The following ELP4 variants were observed in gnomAD, a reference collection of about 807,000 sequenced individuals.
ELP4 encodes the protein elongator complex protein 4.
In ELP4, 51 loss-of-function variants were observed where a neutral mutation model predicts 48.9. The ratio of observed to expected loss-of-function variants is 1.04; its 90% confidence interval spans 0.83 to 1.32. ELP4 has a LOEUF of 1.32. ELP4 is among the 40% of genes most tolerant of loss of function. The probability of loss-of-function intolerance (pLI) is 0.00; values close to 1 mark genes in which losing one functional copy is unlikely to be tolerated. For synonymous variants in ELP4, 210 were observed against 189.2 expected, an observed-to-expected ratio of 1.11 and a Z score of -0.90; for missense variants, 519 against 514.6, an observed-to-expected ratio of 1.01 and a Z score of -0.08.
intron 9 of ELP4, among the ~76,000 whole-genome samples, chr11:31,716,232 CA>C (rs1424118596): frequency 6.6e-6 from 1 of 151,824 alleles, no homozygotes; most frequent in African/African-American, 2.4e-5. Context: ...AGGATGGTGT[CA>C]AACTCCTAGC....
At position 31,789,820 on chromosome 11, in the gene ELP4, A is replaced by C. The variant is rs1037916086; in HGVS notation, c.*6296A>C. The C allele has an allele frequency of 3.9e-5, 36 of 915,344 alleles. No individual in the cohort carries two copies. The highest frequency in any genetic ancestry group is 6.6e-5 in the African/African-American group (4 of 60,876). 56.7% of individuals were successfully genotyped at this position (915,344 alleles called of 1,614,324 possible). ...ATACAGGACACAATTGTAGAACTGAAGCGGCTCTAACAGCCATTTTTCTTT... is the reference window on the plus strand; with the variant it reads ...ATACAGGACACAATTGTAGAACTGACGCGGCTCTAACAGCCATTTTTCTTT... On this transcript the variant is annotated 3_prime_UTR_variant, in exon 10 of 10. Transcript: ENST00000640961.
At position 31,532,956 on chromosome 11, in the gene ELP4, A is replaced by G. The variant is rs1015379388; in HGVS notation, c.260-6706A>G. Among the ~76,000 whole-genome samples, 17 of 151,900 alleles carry G rather than the reference A, an allele frequency of 1.1e-4. 1 individual carries two copies. The South Asian group carries it at 2.7e-3, about 24-fold the overall frequency. ...CTGGCTAATTTTGTATTTTTTTAGT[A>G]GAGACAGGGTTTCATCATGTTGGTG... On this transcript the variant is annotated intron_variant, in intron 2 of 9. Coordinates refer to ENST00000640961, the MANE Select transcript of ELP4 (RefSeq NM_019040.5).
rs1252392839 is a variant in ELP4 at position 31,647,822 on chromosome 11, A to G, written c.1009A>G (p.Thr337Ala). 6.2e-7 allele frequency: 1 copy of G among 1,604,238 alleles called. No homozygotes were observed. The highest frequency in any genetic ancestry group is 8.5e-7 in the Non-Finnish European group (1 of 1,172,096). ...LESFIGSERE[T>A]NPLYKDYHGL... ...ATCATTTATTGGTTCTGAGAGAGAA[A>G]CTAACCCATTGTATAAGGATTATCA... Residue 337 changes from threonine to alanine, a missense_variant, in exon 8 of 10, where the codon ACT (threonine) becomes GCT (alanine). Thr to Ala is a moderately conservative substitution (Grantham distance 58). Coordinates refer to ENST00000640961, the MANE Select transcript of ELP4 (RefSeq NM_019040.5).
At chr11:31,657,438 A>G (rs1385484372) in intron 9 of ELP4, among the ~76,000 whole-genome samples, 1 of 152,040 alleles carries the variant, frequency 6.6e-6, no homozygotes, top group Non-Finnish European at 1.5e-5. Context: ...CCTCACCACT[A>G]AAATGTAAGC....
rs1028208012 is a variant in ELP4, at chr11:31,787,418, C to A, written c.*3894C>A. Reference sequence around the variant, plus strand: ...AGTCTCTGCTGTCTACACAACAGAACCGTGGGCCGGAACTGGCTGCCTGAC... The same window carrying A: ...AGTCTCTGCTGTCTACACAACAGAAACGTGGGCCGGAACTGGCTGCCTGAC... On this transcript the variant is annotated 3_prime_UTR_variant, in exon 10 of 10. Transcript: ENST00000640961. 5 of 233,146 alleles carry A rather than the reference C, an allele frequency of 2.1e-5. No individual in the cohort carries two copies. The highest frequency in any genetic ancestry group is 4.2e-5 in the Non-Finnish European group (5 of 118,024). 14.4% of individuals were successfully genotyped at this position (233,146 alleles called of 1,614,324 possible).
At chr11:31,553,764 A>ACACACC (rs1491538602) in intron 3 of ELP4, among the ~76,000 whole-genome samples, 135 of 142,054 alleles carry the variant, frequency 9.5e-4, no homozygotes, top group African/African-American at 2.7e-3. Flanking sequence ...ACACACACAC[A>ACACACC]CCCTATTGGT....
At chr11:31,623,370 T>TAA (rs1944663870) in intron 5 of ELP4, among the ~76,000 whole-genome samples, 1 of 104,422 alleles carries the variant, frequency 9.6e-6, no homozygotes, top group Non-Finnish European at 1.9e-5. Flanking sequence ...TATATATATA[T>TAA]ATATATATAT....
chr11:31,744,699 C>CT (rs1947539303), intron 9 of ELP4, among the ~76,000 whole-genome samples: 1 of 152,162 alleles, frequency 6.6e-6, no homozygotes, highest in Non-Finnish European at 1.5e-5. Context: ...ATGCTTCATG[C>CT]TAAAAACTCT....
intron 9 of ELP4, among the ~76,000 whole-genome samples, chr11:31,770,259 A>G (rs1948110978): frequency 6.6e-6 from 1 of 152,192 alleles, no homozygotes; most frequent in Non-Finnish European, 1.5e-5. Context: ...AAACCCAGCT[A>G]CACAATTAAG....
At chr11:31,519,172 G>T (rs928539401) in intron 1 of ELP4, among the ~76,000 whole-genome samples, 1 of 152,018 alleles carries the variant, frequency 6.6e-6, no homozygotes, top group African/African-American at 2.4e-5. Flanking sequence ...ATTTTGTGAT[G>T]ATATTCTTTT....
At chr11:31,671,549 A>G (rs1348676604) in intron 9 of ELP4, among the ~76,000 whole-genome samples, 2 of 152,322 alleles carry the variant, frequency 1.3e-5, no homozygotes, top group South Asian at 2.1e-4. Context: ...GTAAGATTTT[A>G]TGTCTTTATA....
At chr11:31,588,884 G>A (rs1179589311) in intron 3 of ELP4, among the ~76,000 whole-genome samples, 1 of 152,182 alleles carries the variant, frequency 6.6e-6, no homozygotes, top group East Asian at 1.9e-4. Flanking sequence ...TCAGGAGGCT[G>A]AGGCATGAGA....
At chr11:31,574,533 C>A (rs1376403190) in intron 3 of ELP4, among the ~76,000 whole-genome samples, 1 of 152,212 alleles carries the variant, frequency 6.6e-6, no homozygotes, top group Non-Finnish European at 1.5e-5. Context: ...ACACACCTCC[C>A]AGTAGGGGCT....
At chr11:31,758,195 T>A (rs1947871273) in intron 9 of ELP4, among the ~76,000 whole-genome samples, 1 of 152,218 alleles carries the variant, frequency 6.6e-6, no homozygotes. Flanking sequence ...GTTACTGAAT[T>A]CAGTTTTCAA....
intron 3 of ELP4, among the ~76,000 whole-genome samples, chr11:31,549,004 T>C (rs1404633511): frequency 6.6e-6 from 1 of 152,074 alleles, no homozygotes; most frequent in Admixed American, 6.6e-5. Context: ...ATTAAAGACT[T>C]AAACGTTAGA....
chr11:31,628,697 G>A (rs1243672695), intron 6 of ELP4, among the ~76,000 whole-genome samples: 1 of 151,820 alleles, frequency 6.6e-6, no homozygotes, highest in Non-Finnish European at 1.5e-5. Flanking sequence ...CATTCCTATG[G>A]TGAATACCAA....
At chr11:31,750,294 C>A (rs1431402850) in intron 9 of ELP4, among the ~76,000 whole-genome samples, 2 of 152,182 alleles carry the variant, frequency 1.3e-5, no homozygotes, top group East Asian at 3.8e-4. Context: ...AAATCAGCCT[C>A]AGTGTGGGTA....
chr11:31,687,721 A>G (rs1312457170), intron 9 of ELP4: 1 of 152,128 alleles, frequency 6.6e-6, no homozygotes, highest in Non-Finnish European at 1.5e-5. Context: ...AGAATAGATA[A>G]TTTTTCAATT....
chr11:31,749,740 T>A (rs1947677074), intron 9 of ELP4, among the ~76,000 whole-genome samples: 1 of 152,130 alleles, frequency 6.6e-6, no homozygotes, highest in Admixed American at 6.5e-5. Flanking sequence ...ACATAGATAG[T>A]AATTCCTGTA....
Sources: gnomAD v4.1 joint callset for allele counts (sites outside exome capture counted in the v4.1 genomes callset) on GRCh38, gnomAD v4.1.1 for gene constraint, MANE v1.5 for transcripts, NCBI Gene and HGNC (gene_info 2026-07-23, HGNC 2026-07-21) for gene names.